Variants in GRM7 observed in about 807,000 individuals in gnomAD.
GRM7 encodes glutamate metabotropic receptor 7.
Under a neutral mutation model 84.5 loss-of-function variants are expected in GRM7, and 35 were observed. That is an observed-to-expected ratio of 0.41 (90% CI 0.32 to 0.55). The LOEUF is 0.55. Among genes scored for constraint, GRM7 ranks in the 20% least tolerant of loss-of-function variants. The pLI, the probability that GRM7 is intolerant of heterozygous loss-of-function variation, is 0.19. For synonymous variants in GRM7, 487 were observed against 455.1 expected (o/e 1.07, Z -0.89); for missense variants, 1,003 against 1,194.6 (o/e 0.84, Z 2.36).
Position 6,861,469 on chromosome 3 carries a change from G to C in GRM7, c.81G>C (p.Ala27=), listed in dbSNP as rs138762445. The C allele has an allele frequency of 5.1e-4, 814 of 1,590,576 alleles. 6 individuals are homozygous for C. The African/African-American group carries it at 0.01, about 20-fold the overall frequency. Residue 27 remains alanine, a synonymous_variant, in exon 1 of 10, where the codon GCG becomes GCC. Coordinates refer to ENST00000357716, the MANE Select transcript of GRM7 (RefSeq NM_000844.4). The surrounding 1 kb of genome is among the most constrained non-coding windows in gnomAD (Gnocchi z 6.4). ...GCGTGCTGGAGGTGCTCCTGTGCGC[G>C]CTGGCGGCGGCGGCGCGCGGCCAGG... The part of the protein sequence containing the change: ...PCCVLEVLLC[A]LAAAARGQEM...
chr3:7,016,170 G>A (rs150771985), intron 1 of GRM7, among the ~76,000 whole-genome samples: 2 of 152,270 alleles, frequency 1.3e-5, no homozygotes, highest in East Asian at 1.9e-4. Context: ...TGAATGCATG[G>A]CCTTAGGTAA....
At chr3:7,433,615 A>G (rs554768957) in intron 5 of GRM7, among the ~76,000 whole-genome samples, 1 of 152,340 alleles carries the variant, frequency 6.6e-6, no homozygotes, top group South Asian at 2.1e-4. Context: ...AAGTGATTGA[A>G]GCATAAGTAA....
At chr3:7,231,040 A>G (rs1575060710) in intron 2 of GRM7, among the ~76,000 whole-genome samples, 1 of 152,232 alleles carries the variant, frequency 6.6e-6, no homozygotes, top group African/African-American at 2.4e-5. Context: ...CTATAATTGC[A>G]TGTGTGTGTT....
At chr3:7,513,959 T>A (rs540707908) in intron 7 of GRM7, among the ~76,000 whole-genome samples, 12 of 152,216 alleles carry the variant, frequency 7.9e-5, no homozygotes, top group African/African-American at 2.4e-4. Flanking sequence ...TCAAAGGCAA[T>A]ATTTCACTTT....
intron 7 of GRM7, among the ~76,000 whole-genome samples, chr3:7,463,317 G>A (rs1360263047): frequency 6.6e-6 from 1 of 152,180 alleles, no homozygotes; most frequent in Admixed American, 6.5e-5. Flanking sequence ...TTACATGGGG[G>A]TTCTTAAGCA....
chr3:7,092,719 G>A (rs191227050), intron 1 of GRM7, among the ~76,000 whole-genome samples: 70 of 152,246 alleles, frequency 4.6e-4, no homozygotes, highest in African/African-American at 1.4e-3. Flanking sequence ...ATATTTATCA[G>A]AATCTCACTG....
chr3:7,730,122 C>A (rs1054335426), intron 9 of GRM7, among the ~76,000 whole-genome samples: 5 of 149,338 alleles, frequency 3.3e-5, no homozygotes, highest in African/African-American at 1.3e-4. Context: ...ATCTGCCCAC[C>A]TTGGCCTCCC....
At chr3:7,685,355 T>C (rs1444139365) in intron 9 of GRM7, among the ~76,000 whole-genome samples, 2 of 152,172 alleles carry the variant, frequency 1.3e-5, no homozygotes, top group African/African-American at 4.8e-5. Context: ...TACCATCCAT[T>C]TTCTAAGCTA....
intron 9 of GRM7, among the ~76,000 whole-genome samples, chr3:7,717,282 T>G (rs1191918107): frequency 6.6e-6 from 1 of 152,098 alleles, no homozygotes; most frequent in African/African-American, 2.4e-5. Context: ...TTAAAAAAAA[T>G]TAAATCACAC....
intron 4 of GRM7, among the ~76,000 whole-genome samples, chr3:7,408,213 A>G (rs868803019): frequency 9.9e-5 from 15 of 152,210 alleles, no homozygotes; most frequent in African/African-American, 3.1e-4. Flanking sequence ...TTATTCCCAT[A>G]TAAGTATATT....
chr3:6,955,597 A>C (rs1693005415), intron 1 of GRM7, among the ~76,000 whole-genome samples: 1 of 151,894 alleles, frequency 6.6e-6, no homozygotes, highest in Non-Finnish European at 1.5e-5. Flanking sequence ...GTAATCCTAG[A>C]ACTTTAGGAG....
chr3:7,691,408 G>A, intron 9 of GRM7: 1 of 368,632 alleles, frequency 2.7e-6, no homozygotes, highest in Non-Finnish European at 4.8e-6. Context: ...AAACTGGACT[G>A]GGAGTCCCAT....
At chr3:7,391,671 C>A (rs913589203) in intron 4 of GRM7, among the ~76,000 whole-genome samples, 31 of 151,792 alleles carry the variant, frequency 2.0e-4, no homozygotes, top group African/African-American at 7.3e-4. Context: ...AACAAACCTG[C>A]ACATTGTGCA....
chr3:7,124,135 G>C (rs972786230), intron 1 of GRM7, among the ~76,000 whole-genome samples: 1 of 151,944 alleles, frequency 6.6e-6, no homozygotes, highest in Non-Finnish European at 1.5e-5. Flanking sequence ...TTATTTTTAT[G>C]TTTGTTTTTT....
chr3:7,064,309 C>G (rs13327505), intron 1 of GRM7, among the ~76,000 whole-genome samples: 63,867 of 149,014 alleles, frequency 0.43, 13,951 homozygotes, highest in African/African-American at 0.53. Context: ...AGCTTAGCCC[C>G]CACATATCAG....
chr3:7,014,679 C>G (rs962639929), intron 1 of GRM7, among the ~76,000 whole-genome samples: 2 of 152,140 alleles, frequency 1.3e-5, no homozygotes, highest in Non-Finnish European at 2.9e-5. Context: ...TGTTCTGCCT[C>G]AAGTCATTTG....
chr3:7,096,429 C>G (rs1285996836), intron 1 of GRM7, among the ~76,000 whole-genome samples: 2 of 152,098 alleles, frequency 1.3e-5, no homozygotes, highest in African/African-American at 4.8e-5. Flanking sequence ...CAAGAAAGTG[C>G]TATCCTTATA....
chr3:7,169,403 A>G (rs1207127108), intron 2 of GRM7, among the ~76,000 whole-genome samples: 1 of 152,208 alleles, frequency 6.6e-6, no homozygotes, highest in Non-Finnish European at 1.5e-5. Flanking sequence ...TGGTGTGGCC[A>G]GGTGACACTC....
chr3:7,396,894 A>G (rs1354911077), intron 4 of GRM7, among the ~76,000 whole-genome samples: 2 of 152,114 alleles, frequency 1.3e-5, no homozygotes, highest in African/African-American at 4.8e-5. Context: ...ATGGCATCTA[A>G]TATTATTCTC....
Sources: allele counts gnomAD v4.1 joint callset (sites outside exome capture counted in the v4.1 genomes callset), GRCh38; gene constraint gnomAD v4.1.1; non-coding constraint Gnocchi (gnomAD v3.1); transcripts MANE v1.5; gene names NCBI Gene and HGNC (gene_info 2026-07-23, HGNC 2026-07-21).